The following XRRA1 variants were observed in gnomAD, a reference collection of about 807,000 sequenced individuals.
XRRA1 encodes X-ray radiation resistance-associated protein 1.
A neutral mutation model predicts 80.2 loss-of-function variants in XRRA1; 69 were observed. That is an observed-to-expected ratio of 0.86 (90% confidence interval 0.71 to 1.05). The LOEUF is 1.05. Among genes scored for constraint, XRRA1 ranks in the 50% least tolerant of loss-of-function variants. The pLI is 0.00. For missense variants in XRRA1, 967 were observed against 976.4 expected, an observed-to-expected ratio of 0.99 and a Z score of 0.13; for synonymous variants, 348 against 389.9, an observed-to-expected ratio of 0.89 and a Z score of 1.27.
At chr11:74,910,385 G>A (rs2055601728) in intron 8 of XRRA1, among the ~76,000 whole-genome samples, 1 of 152,200 alleles carries the variant, frequency 6.6e-6, no homozygotes, top group Non-Finnish European at 1.5e-5. Context: ...ATGGTCTGAA[G>A]CAGAAAGAGA....
chr11:74,889,207 T>C (rs879442473), intron 10 of XRRA1, among the ~76,000 whole-genome samples: 61 of 152,274 alleles, frequency 4.0e-4, no homozygotes, highest in Admixed American at 1.2e-3. Flanking sequence ...GCTGATCTCT[T>C]GACAGAAACT....
intron 10 of XRRA1, among the ~76,000 whole-genome samples, chr11:74,887,683 G>C (rs1027179748): frequency 3.9e-5 from 6 of 152,166 alleles, no homozygotes; most frequent in African/African-American, 1.2e-4. Context: ...TCAAAGAAAG[G>C]GGTGACAGAC....
chr11:74,902,466 T>C (rs1301284162), intron 10 of XRRA1, among the ~76,000 whole-genome samples: 3 of 152,192 alleles, frequency 2.0e-5, no homozygotes, highest in African/African-American at 7.2e-5. Flanking sequence ...ATCTGCACTC[T>C]TATGTTTGTT....
intron 10 of XRRA1, among the ~76,000 whole-genome samples, chr11:74,878,543 C>T (rs1196603013): frequency 6.6e-6 from 1 of 152,078 alleles, no homozygotes; most frequent in African/African-American, 2.4e-5. Context: ...TTGCCCCTGC[C>T]TGTGTCCTGA....
At chr11:74,943,224 T>C (rs568943167) in intron 2 of XRRA1, among the ~76,000 whole-genome samples, 2 of 152,150 alleles carry the variant, frequency 1.3e-5, no homozygotes, top group Non-Finnish European at 1.5e-5. Flanking sequence ...TGCACACACA[T>C]GCAAAAAAGT....
intron 9 of XRRA1, 77 bp downstream of exon 9, chr11:74,907,068 C>A: frequency 6.3e-7 from 1 of 1,581,882 alleles, no homozygotes; most frequent in South Asian, 1.2e-5. Flanking sequence ...AACCTTTTGG[C>A]TTCCAGAACA....
rs1359831921 is a variant in XRRA1 at position 74,841,319 on chromosome 11, T to G, written c.*1881A>C. 1 of 152,126 alleles carries G rather than the reference T, an allele frequency of 6.6e-6. No individual in the cohort carries two copies. The highest frequency in any genetic ancestry group is 2.4e-5 in the African/African-American group (1 of 41,414). 9.4% of individuals were successfully genotyped at this position (152,126 alleles called of 1,614,324 possible). ...GGGGCGGGGTGGTCAGGAGACAGAT[T>G]CTAGGGAAAGTGCTGAAGAGATTTT... On this transcript the variant is annotated 3_prime_UTR_variant, in exon 19 of 19. Transcript: ENST00000684022.
At chr11:74,930,257 G>A (rs1227783855) in intron 6 of XRRA1, 43 bp downstream of exon 6, 4 of 1,456,814 alleles carry the variant, frequency 2.7e-6, no homozygotes, top group African/African-American at 1.4e-5. Flanking sequence ...TGGCTGTGCT[G>A]GCTAAGAGGA....
chr11:74,890,661 C>T (rs978069110), intron 10 of XRRA1, among the ~76,000 whole-genome samples: 1 of 151,598 alleles, frequency 6.6e-6, no homozygotes, highest in African/African-American at 2.4e-5. Flanking sequence ...GCTAGCAAGA[C>T]TAATAAAGAA....
intron 6 of XRRA1, among the ~76,000 whole-genome samples, chr11:74,928,715 G>T: frequency 6.6e-6 from 1 of 152,164 alleles, no homozygotes; most frequent in East Asian, 1.9e-4. Flanking sequence ...ACCTAATAAA[G>T]GCTGCTTTGT....
intron 12 of XRRA1, among the ~76,000 whole-genome samples, chr11:74,858,126 CAG>C (rs1456746394): frequency 4.6e-5 from 7 of 152,050 alleles, no homozygotes; most frequent in Non-Finnish European, 8.8e-5. Flanking sequence ...AAATGGAAAA[CAG>C]AGAAATCCAG....
chr11:74,926,059 T>A (rs577219583), intron 7 of XRRA1, among the ~76,000 whole-genome samples: 1 of 152,306 alleles, frequency 6.6e-6, no homozygotes, highest in Non-Finnish European at 1.5e-5. Flanking sequence ...AAACTTACTT[T>A]CTCTCTATTT....
intron 8 of XRRA1, among the ~76,000 whole-genome samples, chr11:74,917,100 G>T (rs1938973598): frequency 6.6e-6 from 1 of 152,226 alleles, no homozygotes; most frequent in Non-Finnish European, 1.5e-5. Flanking sequence ...GTGGATGGGT[G>T]TGTGTGCAAC....
intron 10 of XRRA1, among the ~76,000 whole-genome samples, chr11:74,879,570 C>T (rs1378145202): frequency 3.3e-5 from 5 of 151,906 alleles, no homozygotes; most frequent in East Asian, 1.9e-4. Flanking sequence ...CTTCCAGTTT[C>T]TGCCCATTCA....
chr11:74,856,565 A>C (rs761912610), intron 12 of XRRA1, among the ~76,000 whole-genome samples: 1 of 152,252 alleles, frequency 6.6e-6, no homozygotes, highest in Admixed American at 6.5e-5. Context: ...GGCAGATGCA[A>C]GTGCCACACA....
chr11:74,851,105 G>T lies in XRRA1; in HGVS notation c.1363C>A (p.Arg455=). The T allele has an allele frequency of 6.2e-7, 1 of 1,611,314 alleles. No individual in the cohort carries two copies. The highest frequency in any genetic ancestry group is 1.1e-5 in the South Asian group (1 of 90,826). The part of the protein sequence containing the change: ...VKPKHHVLMS[R]KESWKVKSEI... Reference sequence around the variant, plus strand: ...AGCCCTACCTTCCATGATTCCTTCCGAGACATCAAAACATGATGCTTAGGC... The same window carrying T: ...AGCCCTACCTTCCATGATTCCTTCCTAGACATCAAAACATGATGCTTAGGC... Residue 455 remains arginine, a synonymous_variant, in exon 14 of 19, where the codon CGG becomes AGG. Coordinates refer to ENST00000684022, the MANE Select transcript of XRRA1 (RefSeq NM_001378157.1).
intron 2 of XRRA1, among the ~76,000 whole-genome samples, chr11:74,943,820 T>G (rs1346421948): frequency 6.6e-6 from 1 of 151,956 alleles, no homozygotes; most frequent in African/African-American, 2.4e-5. Flanking sequence ...TTTTTCTGAT[T>G]CATCTTTTTT....
rs561892342 is a variant in XRRA1 at position 74,848,434 on chromosome 11, T to C, written c.1409A>G (p.Lys470Arg). 19 of 1,611,780 alleles carry C rather than the reference T, an allele frequency of 1.2e-5. No homozygotes were observed. In the African/African-American group the frequency reaches 1.9e-4, roughly 16 times the overall value. Residue 470 changes from lysine to arginine, a missense_variant, in exon 15 of 19, where the codon AAG becomes AGG. Physicochemically the swap from Lys to Arg is conservative, Grantham distance 26 (BLOSUM62 2). Coordinates refer to ENST00000684022, the MANE Select transcript of XRRA1 (RefSeq NM_001378157.1). ...KVKSEIPKVP[K>R]QPLVLHHPRM... ...CGGGTGATGGAGCACCAGAGGCTGC[T>C]TCGGCACCTTTGGGATTTCGCTTTT...
At chr11:74,885,807 A>T (rs1436704508) in intron 10 of XRRA1, among the ~76,000 whole-genome samples, 1 of 152,222 alleles carries the variant, frequency 6.6e-6, no homozygotes, top group Non-Finnish European at 1.5e-5. Flanking sequence ...AGATGCAAAA[A>T]TCCTCAAAAA....
Sources: gnomAD v4.1 joint callset for allele counts (sites outside exome capture counted in the v4.1 genomes callset) on GRCh38, gnomAD v4.1.1 for gene constraint, MANE v1.5 for transcripts, NCBI Gene and HGNC (gene_info 2026-07-23, HGNC 2026-07-21) for gene names.